Variants in SKAP2 observed in about 807,000 individuals in gnomAD.
SKAP2 encodes src kinase associated phosphoprotein 2.
In SKAP2, 28 loss-of-function variants were observed where a neutral mutation model predicts 54.9. The observed-to-expected ratio is 0.51, with a 90% CI of 0.38 to 0.70. The LOEUF (loss-of-function observed/expected upper bound fraction) is 0.70. Among genes scored for constraint, SKAP2 ranks in the 30% least tolerant of loss-of-function variants. The pLI is 0.00. For synonymous variants in SKAP2, 137 were observed against 134.3 expected, an observed-to-expected ratio of 1.02 and a Z score of -0.14; for missense variants, 356 against 424.1, an observed-to-expected ratio of 0.84 and a Z score of 1.41.
Position 26,822,178 on chromosome 7 carries a change from A to AT in SKAP2, c.307+21851dup, listed in dbSNP as rs573928885. On this transcript the variant is annotated intron_variant, in intron 4 of 12. Transcript: ENST00000345317. The stretch of plus-strand genomic sequence containing the variant: ...ATTACCCATCTGTATTTATACAAAC[A>AT]TACCTCATATTACTGTGCTTTGCTT... 6.4e-4 allele frequency among the ~76,000 whole-genome samples: 98 copies of AT among 152,288 alleles called. 1 individual carries two copies. The highest frequency in any genetic ancestry group is 2.2e-3 in the African/African-American group (93 of 41,548).
intron 3 of SKAP2, among the ~76,000 whole-genome samples, chr7:26,850,748 A>G (rs1785022911): frequency 6.6e-6 from 1 of 152,212 alleles, no homozygotes; most frequent in South Asian, 2.1e-4. Flanking sequence ...GAAGTGTTCT[A>G]GCTGATTAGA....
At chr7:26,795,335 G>GTTA (rs530027449) in intron 4 of SKAP2, among the ~76,000 whole-genome samples, 11 of 152,118 alleles carry the variant, frequency 7.2e-5, no homozygotes, top group Non-Finnish European at 1.2e-4. Flanking sequence ...CATACTAAGT[G>GTTA]TTATCACTTT....
chr7:26,768,581 T>C (rs936550854), intron 4 of SKAP2, among the ~76,000 whole-genome samples: 1 of 152,232 alleles, frequency 6.6e-6, no homozygotes, highest in Non-Finnish European at 1.5e-5. Context: ...CTATGTTTTT[T>C]GCAGTGGCTG....
At chr7:26,764,820 G>C (rs570320273) in intron 4 of SKAP2, among the ~76,000 whole-genome samples, 204 of 152,154 alleles carry the variant, frequency 1.3e-3, no homozygotes, top group African/African-American at 4.6e-3. Context: ...CAAAGTGCTG[G>C]GATTACAGGC....
chr7:26,843,603 G>A (rs1467086689), intron 4 of SKAP2, among the ~76,000 whole-genome samples: 5 of 151,484 alleles, frequency 3.3e-5, no homozygotes, highest in Admixed American at 6.6e-5. Flanking sequence ...AGGCAATGTC[G>A]GAAAATTAAC....
intron 3 of SKAP2, among the ~76,000 whole-genome samples, chr7:26,845,031 G>C (rs1042579021): frequency 6.6e-6 from 1 of 151,904 alleles, no homozygotes; most frequent in African/African-American, 2.4e-5. Context: ...TTTGTCACCC[G>C]GATTTCACAA....
chr7:26,745,365 C>T (rs1488235730), intron 4 of SKAP2, among the ~76,000 whole-genome samples: 1 of 152,212 alleles, frequency 6.6e-6, no homozygotes. Context: ...ACTTCTCAAC[C>T]ATACAACCAT....
At chr7:26,662,532 A>T (rs1786029570), downstream of SKAP2, among the ~76,000 whole-genome samples, 1 of 152,128 alleles carries the variant, frequency 6.6e-6, no homozygotes, top group Admixed American at 6.5e-5. Flanking sequence ...CAGACTATGA[A>T]TCTACTTGGG....
chr7:26,823,004 C>G (rs1257425063), intron 4 of SKAP2, among the ~76,000 whole-genome samples: 1 of 152,116 alleles, frequency 6.6e-6, no homozygotes, highest in Non-Finnish European at 1.5e-5. Context: ...GGGAGGAAGG[C>G]ACGTAGAAAG....
chr7:26,772,563 A>G (rs1215789339), intron 4 of SKAP2, among the ~76,000 whole-genome samples: 1 of 152,184 alleles, frequency 6.6e-6, no homozygotes, highest in East Asian at 1.9e-4. Flanking sequence ...ACATGATATC[A>G]TTTTTTATGG....
intron 4 of SKAP2, among the ~76,000 whole-genome samples, chr7:26,782,195 T>C (rs1332253592): frequency 1.3e-5 from 2 of 152,186 alleles, no homozygotes; most frequent in East Asian, 3.9e-4. Context: ...CATTTGGGTA[T>C]ATGTTGAGAA....
At chr7:26,833,397 C>CAAAAAAAAAAAAAAA (rs1218013639) in intron 4 of SKAP2, among the ~76,000 whole-genome samples, 1 of 85,126 alleles carries the variant, frequency 1.2e-5, no homozygotes. Context: ...GACTCCGTCT[C>CAAAAAAAAAAAAAAA]AAAAAAAAAA....
chr7:26,820,944 C>G (rs1161093138), intron 4 of SKAP2, among the ~76,000 whole-genome samples: 1 of 152,082 alleles, frequency 6.6e-6, no homozygotes, highest in Non-Finnish European at 1.5e-5. Flanking sequence ...TTTTGAAATA[C>G]TATTAATTAT....
intron 4 of SKAP2, among the ~76,000 whole-genome samples, chr7:26,779,155 A>T (rs1783373687): frequency 2.0e-5 from 3 of 152,038 alleles, no homozygotes; most frequent in Admixed American, 2.0e-4. Flanking sequence ...ATAATTCCAT[A>T]AAAATGTCTG....
intron 9 of SKAP2, among the ~76,000 whole-genome samples, chr7:26,708,971 C>A (rs570770499): frequency 1.3e-5 from 2 of 151,904 alleles, no homozygotes; most frequent in Non-Finnish European, 2.9e-5. Flanking sequence ...TATTCTTTTT[C>A]AGTTGATTTA....
intron 3 of SKAP2, among the ~76,000 whole-genome samples, chr7:26,845,350 A>G (rs1219403103): frequency 1.3e-5 from 2 of 152,178 alleles, no homozygotes. Context: ...TAATTTTTTA[A>G]AAATACATAT....
chr7:26,828,216 A>G (rs1350245680), intron 4 of SKAP2, among the ~76,000 whole-genome samples: 1 of 152,222 alleles, frequency 6.6e-6, no homozygotes, highest in Non-Finnish European at 1.5e-5. Context: ...ATATGAAAGA[A>G]GAGTCATGTG....
chr7:26,799,334 T>C (rs745969834), intron 4 of SKAP2, among the ~76,000 whole-genome samples: 3 of 151,478 alleles, frequency 2.0e-5, no homozygotes, highest in Non-Finnish European at 2.9e-5. Context: ...ATTTCACCTA[T>C]AAGCACACAT....
chr7:26,659,308 A>G, the SKAP2 span, among the ~76,000 whole-genome samples: 2 of 152,174 alleles, frequency 1.3e-5, no homozygotes, highest in African/African-American at 4.8e-5. Flanking sequence ...CTCCATGTCC[A>G]TCTCACTGTG....
Sources: gnomAD v4.1 joint callset for allele counts (sites outside exome capture counted in the v4.1 genomes callset) on GRCh38, gnomAD v4.1.1 for gene constraint, MANE v1.5 for transcripts, NCBI Gene and HGNC (gene_info 2026-07-23, HGNC 2026-07-21) for gene names.